Variants in CCDC146 observed in about 807,000 individuals in gnomAD.
CCDC146 encodes the protein coiled-coil domain-containing protein 146.
A neutral mutation model predicts 119.3 loss-of-function variants in CCDC146; 92 were observed. The observed-to-expected ratio is 0.77, with a 90% CI of 0.65 to 0.92. The LOEUF is 0.92. CCDC146 is among the 40% of genes least tolerant of loss of function. The pLI is 0.00. For synonymous variants in CCDC146, 372 were observed against 371.8 expected (o/e 1.00, Z -0.01); for missense variants, 1,000 against 1,103.0 (o/e 0.91, Z 1.32).
At chr7:77,200,640 T>G (rs1426854723) in intron 2 of CCDC146, among the ~76,000 whole-genome samples, 3 of 152,198 alleles carry the variant, frequency 2.0e-5, no homozygotes, top group Non-Finnish European at 2.9e-5. Flanking sequence ...TGCCCTTTCT[T>G]TCTGCAGGTA....
chr7:77,258,403 C>T (rs1490603615), intron 6 of CCDC146, among the ~76,000 whole-genome samples: 1 of 152,186 alleles, frequency 6.6e-6, no homozygotes, highest in East Asian at 1.9e-4. Context: ...GATTTTTCTA[C>T]TTTACAGTGG....
chr7:77,172,802 A>G (rs1242871332), intron 2 of CCDC146, among the ~76,000 whole-genome samples: 1 of 152,160 alleles, frequency 6.6e-6, no homozygotes, highest in Non-Finnish European at 1.5e-5. Flanking sequence ...TATTGCCTCC[A>G]TTGCTTTTAA....
chr7:77,159,160 C>T (rs3972417), intron 1 of CCDC146, among the ~76,000 whole-genome samples: 81,614 of 151,756 alleles, frequency 0.54, 22,278 homozygotes, highest in African/African-American at 0.62. Flanking sequence ...ATTTTTGTTG[C>T]TGCTTTATCA....
rs1405520228 is a variant in CCDC146 at position 77,279,114 on chromosome 7, A to T, written c.1694+13A>T. The T allele has an allele frequency of 6.2e-7, 1 of 1,608,086 alleles. No individual in the cohort carries two copies. The highest frequency in any genetic ancestry group is 8.5e-7 in the Non-Finnish European group (1 of 1,178,074). On this transcript the variant is annotated intron_variant, in intron 13 of 18. Coordinates refer to ENST00000285871, the MANE Select transcript of CCDC146 (RefSeq NM_020879.3). The stretch of plus-strand genomic sequence containing the variant: ...TTAGTCAAGAAAGGTAAGTGTTATA[A>T]TAACTATTGGCCTTTCAAAGGCTTG...
intron 4 of CCDC146, among the ~76,000 whole-genome samples, chr7:77,253,936 G>GAGAGTGGC (rs1793128117): frequency 6.6e-6 from 1 of 152,230 alleles, no homozygotes; most frequent in South Asian, 2.1e-4. Context: ...ACTGGTGACA[G>GAGAGTGGC]AGAGTGGCAG....
intron 6 of CCDC146, 55 bp downstream of exon 6, chr7:77,256,564 G>T: frequency 7.0e-7 from 1 of 1,430,060 alleles, no homozygotes; most frequent in Middle Eastern, 1.8e-4. Flanking sequence ...ATATAAAAGT[G>T]TGTGGGTATC....
intron 2 of CCDC146, chr7:77,199,066 A>G: frequency 1.1e-6 from 1 of 906,784 alleles, no homozygotes; most frequent in Non-Finnish European, 1.7e-6. Flanking sequence ...ACCTTGATAA[A>G]TAAAAGACTT....
intron 9 of CCDC146, among the ~76,000 whole-genome samples, chr7:77,269,687 C>T (rs1224410069): frequency 6.6e-6 from 1 of 152,196 alleles, no homozygotes; most frequent in Non-Finnish European, 1.5e-5. Context: ...CACAAAATAG[C>T]ACCCATTGAA....
Position 77,286,816 on chromosome 7 carries a change from A to G in CCDC146, c.2167A>G (p.Arg723Gly), listed in dbSNP as rs142881750. 4.8e-5 allele frequency: 78 copies of G among 1,613,810 alleles called. No homozygotes were observed. The highest frequency in any genetic ancestry group is 6.5e-5 in the Non-Finnish European group (77 of 1,179,762). The change falls in exon 16 of 19, where the codon AGA becomes GGA. Residue 723 changes from arginine (R) to glycine (G), a missense_variant. Physicochemically the swap from Arg to Gly is moderately radical, Grantham distance 125. This residue lies in a region of CCDC146 where 985 missense variants were observed against 1,045.3 expected (regional missense o/e 0.94). Coordinates refer to ENST00000285871, the MANE Select transcript of CCDC146 (RefSeq NM_020879.3). ...TTAATAGTTTTCACAGTGTACAGACAGAATTAAAGACCTGGAGAAACAGTT... is the reference window on the plus strand; with the variant it reads ...TTAATAGTTTTCACAGTGTACAGACGGAATTAAAGACCTGGAGAAACAGTT... ...LQIQFSQCTD[R>G]IKDLEKQFVK...
intron 2 of CCDC146, among the ~76,000 whole-genome samples, chr7:77,225,440 C>A (rs1792490493): frequency 6.6e-6 from 1 of 151,934 alleles, no homozygotes; most frequent in Non-Finnish European, 1.5e-5. Context: ...GTAGTCCTAA[C>A]TACTTGGGAG....
At chr7:77,237,421 G>T (rs1349455211) in intron 3 of CCDC146, among the ~76,000 whole-genome samples, 1 of 152,138 alleles carries the variant, frequency 6.6e-6, no homozygotes, top group South Asian at 2.1e-4. Context: ...TCCAGCTTGC[G>T]CTTTGACAAA....
At chr7:77,262,019 A>T in intron 8 of CCDC146, 102 bp from the exon 9 acceptor site, 3 of 931,996 alleles carry the variant, frequency 3.2e-6, no homozygotes, top group Non-Finnish European at 4.8e-6. Context: ...GCCAGAAGAG[A>T]TTGGGAGCCA....
intron 3 of CCDC146, among the ~76,000 whole-genome samples, chr7:77,238,458 C>A (rs568329038): frequency 1.3e-5 from 2 of 152,152 alleles, no homozygotes; most frequent in South Asian, 4.1e-4. Flanking sequence ...CCTCTGTCAC[C>A]CAGGCTGGAG....
chr7:77,191,729 A>T (rs1791767876), intron 2 of CCDC146, among the ~76,000 whole-genome samples: 1 of 151,968 alleles, frequency 6.6e-6, no homozygotes, highest in South Asian at 2.1e-4. Context: ...TAACACGGTG[A>T]AACCCAGTCT....
Position 77,190,098 on chromosome 7 carries a change from G to A in CCDC146, c.156+22274G>A, listed in dbSNP as rs540508994. ...CATGGTGTGCACTCAGTGAATACTCGATGAATGAATTAAGGCTAACTTTAC... is the reference window on the plus strand; with the variant it reads ...CATGGTGTGCACTCAGTGAATACTCAATGAATGAATTAAGGCTAACTTTAC... On this transcript the variant is annotated intron_variant, in intron 2 of 18. Coordinates refer to ENST00000285871, the MANE Select transcript of CCDC146 (RefSeq NM_020879.3). 4.6e-5 allele frequency among the ~76,000 whole-genome samples: 7 copies of A among 152,240 alleles called. No homozygotes were observed. In the South Asian group the frequency reaches 1.2e-3, roughly 27 times the overall value.
intron 2 of CCDC146, among the ~76,000 whole-genome samples, chr7:77,206,954 A>G (rs1176492241): frequency 2.0e-5 from 3 of 152,092 alleles, no homozygotes; most frequent in African/African-American, 7.2e-5. Flanking sequence ...TGCCAAATGC[A>G]TGTCTTTTAA....
At chr7:77,269,018 A>G (rs1584129757) in intron 9 of CCDC146, among the ~76,000 whole-genome samples, 1 of 152,192 alleles carries the variant, frequency 6.6e-6, no homozygotes, top group Non-Finnish European at 1.5e-5. Context: ...ATGGAAGTAT[A>G]TGTCCTTCCA....
intron 2 of CCDC146, chr7:77,198,275 A>G (rs1791913764): frequency 1.0e-6 from 1 of 985,398 alleles, no homozygotes; most frequent in African/African-American, 1.7e-5. Context: ...CTGTCTCTAA[A>G]TGAAAGTGAT....
At chr7:77,146,211 G>A (rs1192756571) in intron 1 of CCDC146, among the ~76,000 whole-genome samples, 1 of 151,970 alleles carries the variant, frequency 6.6e-6, no homozygotes, top group Non-Finnish European at 1.5e-5. Context: ...TTTAAAGTCT[G>A]TTTTATCAGA....
Sources: allele counts gnomAD v4.1 joint callset (sites outside exome capture counted in the v4.1 genomes callset), GRCh38; gene constraint gnomAD v4.1.1; regional missense constraint gnomAD v4.1.1; transcripts MANE v1.5; gene names NCBI Gene and HGNC (gene_info 2026-07-23, HGNC 2026-07-21).